Variants in COPG2 observed in about 807,000 individuals in gnomAD.
COPG2 encodes coat protein complex I subunit gamma 2, also known as coatomer subunit gamma-2.
In COPG2, 37 loss-of-function variants were observed where a neutral mutation model predicts 46.3. The ratio of observed to expected loss-of-function variants is 0.80; its 90% CI spans 0.61 to 1.05. The LOEUF is 1.05. Ranked by LOEUF, COPG2 falls within the 50% of genes least tolerant of loss-of-function variation. The pLI, the probability that COPG2 is intolerant of heterozygous loss-of-function variation, is 0.00. For missense variants in COPG2, 427 were observed against 387.8 expected (o/e 1.10, Z -0.85); for synonymous variants, 159 against 129.7 (o/e 1.23, Z -1.53).
At position 130,551,294 on chromosome 7, in the gene COPG2, A is replaced by G. The variant is rs1793531903; in HGVS notation, c.1595T>C (p.Leu532Pro). The G allele has an allele frequency of 2.5e-6, 1 of 398,576 alleles. No individual in the cohort carries two copies. The allele number at this position is 398,576 out of a possible 1,614,324, so 24.7% of individuals were successfully genotyped here. ...DEVRDRATFYLNVLQQRQMAL... is the reference protein window; with the variant it reads ...DEVRDRATFYPNVLQQRQMAL... ...CATCTGCCTCTGCTGCAGCACATTCAGATAGAAGGTAGCTCTGTCTCGTAC... is the reference window on the plus strand; with the variant it reads ...CATCTGCCTCTGCTGCAGCACATTCGGATAGAAGGTAGCTCTGTCTCGTAC... Residue 532 changes from leucine to proline, a missense_variant, in exon 16 of 24, where the codon CTG (leucine) becomes CCG (proline). By Grantham distance (98) the Leu-to-Pro change is moderately conservative. Transcript: ENST00000425248.
chr7:130,587,221 C>T (rs554971126), intron 9 of COPG2, among the ~76,000 whole-genome samples: 9 of 151,702 alleles, frequency 5.9e-5, no homozygotes, highest in South Asian at 4.2e-4. Flanking sequence ...GAAGGAGAAT[C>T]GCTGGAACAC....
chr7:130,579,974 T>C (rs1423275727), intron 9 of COPG2, among the ~76,000 whole-genome samples: 4 of 151,354 alleles, frequency 2.6e-5, no homozygotes, highest in Non-Finnish European at 5.9e-5. Flanking sequence ...GGAATTGAAC[T>C]CAGCTCTGCA....
intron 20 of COPG2, among the ~76,000 whole-genome samples, chr7:130,526,541 G>A (rs1799776122): frequency 6.6e-6 from 1 of 152,014 alleles, no homozygotes; most frequent in African/African-American, 2.4e-5. Context: ...GGGGCCCCCA[G>A]GGAAGGATGG....
intron 5 of COPG2, among the ~76,000 whole-genome samples, chr7:130,644,984 C>T (rs1333034137): frequency 6.6e-6 from 1 of 151,372 alleles, no homozygotes. Context: ...ATCGCTTGAA[C>T]CCAGGAGGCA....
chr7:130,651,196 A>C (rs1795731079), intron 5 of COPG2, among the ~76,000 whole-genome samples: 1 of 152,220 alleles, frequency 6.6e-6, no homozygotes, highest in Non-Finnish European at 1.5e-5. Context: ...AATTATATAT[A>C]CTTATTCTAG....
Position 130,564,278 on chromosome 7 carries a change from A to G in COPG2, c.853T>C (p.Leu285=), listed in dbSNP as rs1318943231. Residue 285 remains leucine (L), a synonymous_variant, in exon 10 of 24, where the codon TTG becomes CTG. Coordinates refer to ENST00000425248, the MANE Select transcript of COPG2 (RefSeq NM_012133.6). ...IHLPNCTARE[L]APAVSVLQLF... Reference sequence around the variant, plus strand: ...AACAAACCTGAAACAGCAGGTGCCAACTCTCTTGCAGTGCAGTTAGGAAGA... The same window carrying G: ...AACAAACCTGAAACAGCAGGTGCCAGCTCTCTTGCAGTGCAGTTAGGAAGA... 1 of 398,490 alleles carries G rather than the reference A, an allele frequency of 2.5e-6. No homozygotes were observed. Among genetic ancestry groups the G allele is most frequent in the East Asian group, 3.6e-5 (1 of 28,058 alleles). 24.7% of individuals were successfully genotyped at this position (398,490 alleles called of 1,614,324 possible). A position where few individuals can be genotyped will look rare whatever the true frequency, so the allele number is the denominator to read the frequency against.
intron 9 of COPG2, among the ~76,000 whole-genome samples, chr7:130,591,649 G>A (rs1794427916): frequency 6.9e-6 from 1 of 145,884 alleles, no homozygotes; most frequent in Admixed American, 6.8e-5. Flanking sequence ...GGTTGGTGAG[G>A]GGCGCCTCTG....
intron 20 of COPG2, chr7:130,509,028 C>A (rs74631784): frequency 0.016 from 5,390 of 338,302 alleles, 72 homozygotes; most frequent in African/African-American, 0.081. Flanking sequence ...AGGACCTGAC[C>A]AAAAAAAAAA....
At chr7:130,577,219 C>G (rs1244213155) in intron 9 of COPG2, among the ~76,000 whole-genome samples, 1 of 152,204 alleles carries the variant, frequency 6.6e-6, no homozygotes, top group African/African-American at 2.4e-5. Context: ...GTGTGAGCGA[C>G]GCAGAAGACC....
In COPG2 at chr7:130,666,897, T is replaced by C. The variant is rs781946513; in HGVS notation, c.123A>G (p.Pro41=). Reference sequence around the variant, plus strand: ...TTGTAAGAATATGCAAACATCTTCTTGGATTGATTGGAGTTTCATTGAATA... The same window carrying C: ...TTGTAAGAATATGCAAACATCTTCTCGGATTGATTGGAGTTTCATTGAATA... The part of the protein sequence containing the change: ...ARIFNETPIN[P]RRCLHILTKI... The change falls in exon 3 of 24, where the codon CCA becomes CCG. Residue 41 remains proline (P), a synonymous_variant. Coordinates refer to ENST00000425248, the MANE Select transcript of COPG2 (RefSeq NM_012133.6). 25 of 1,566,156 alleles carry C rather than the reference T, an allele frequency of 1.6e-5. No individual in the cohort carries two copies. The highest frequency in any genetic ancestry group is 2.1e-5 in the Non-Finnish European group (24 of 1,146,990).
chr7:130,523,826 T>C (rs1799749229), intron 20 of COPG2, among the ~76,000 whole-genome samples: 1 of 151,964 alleles, frequency 6.6e-6, no homozygotes, highest in South Asian at 2.1e-4. Flanking sequence ...GAGAGCGTCT[T>C]GAAGACATCG....
chr7:130,507,445 C>G (rs1170190463), intron 22 of COPG2, 73 bp from the exon 23 acceptor site: 1 of 768,038 alleles, frequency 1.3e-6, no homozygotes, highest in Non-Finnish European at 2.4e-6. Context: ...CCAGTGTATG[C>G]TGGGAGCTGG....
intron 4 of COPG2, among the ~76,000 whole-genome samples, chr7:130,654,002 TAG>T (rs1477107391): frequency 1.3e-5 from 2 of 148,298 alleles, no homozygotes; most frequent in African/African-American, 2.5e-5. Context: ...AGAAGAAAAC[TAG>T]AGATACGAAA....
intron 5 of COPG2, among the ~76,000 whole-genome samples, chr7:130,634,695 C>A (rs191477572): frequency 7.9e-4 from 120 of 152,006 alleles, no homozygotes; most frequent in Non-Finnish European, 1.2e-3. Context: ...ATCTGAATAC[C>A]TTTATTGCTT....
chr7:130,583,487 A>G (rs1230128253), intron 9 of COPG2, among the ~76,000 whole-genome samples: 1 of 139,852 alleles, frequency 7.2e-6, no homozygotes, highest in Admixed American at 7.4e-5. Context: ...CCTAAAACAT[A>G]AAGTATAAAA....
intron 20 of COPG2, among the ~76,000 whole-genome samples, chr7:130,521,846 G>A (rs1328258877): frequency 6.6e-5 from 10 of 152,014 alleles, no homozygotes; most frequent in African/African-American, 2.4e-4. Flanking sequence ...CCAAAGATAT[G>A]GAAGGGAAAA....
chr7:130,652,178 T>G (rs1031140510), intron 5 of COPG2, among the ~76,000 whole-genome samples: 1 of 152,244 alleles, frequency 6.6e-6, no homozygotes, highest in Non-Finnish European at 1.5e-5. Flanking sequence ...AACATCAATA[T>G]ATATAAGTTT....
intron 22 of COPG2, 124 bp downstream of exon 22, chr7:130,507,561 G>A: frequency 1.5e-6 from 1 of 654,790 alleles, no homozygotes. Context: ...CAGGGTGCTG[G>A]CCTTTTAAGT....
At chr7:130,593,046 A>G (rs919583928) in intron 9 of COPG2, among the ~76,000 whole-genome samples, 3 of 152,276 alleles carry the variant, frequency 2.0e-5, no homozygotes, top group South Asian at 2.1e-4. Flanking sequence ...TCCAGGCTTT[A>G]TAAGTTTTCC....
Sources: gnomAD v4.1 joint callset for allele counts (sites outside exome capture counted in the v4.1 genomes callset) on GRCh38, gnomAD v4.1.1 for gene constraint, MANE v1.5 for transcripts, NCBI Gene and HGNC (gene_info 2026-07-23, HGNC 2026-07-21) for gene names.